The following NCOA2 variants were observed in gnomAD, a reference collection of about 807,000 sequenced individuals.
The protein encoded by NCOA2 is nuclear receptor coactivator 2, also known as class E basic helix-loop-helix protein 75.
NCOA2 carries 21 observed loss-of-function variants against 145.1 expected under a neutral mutation model. The ratio of observed to expected loss-of-function variants is 0.14; its 90% CI spans 0.10 to 0.21. The LOEUF (loss-of-function observed/expected upper bound fraction) is 0.21, where lower values mean the gene tolerates loss of function less well. Among genes scored for constraint, NCOA2 ranks in the 10% least tolerant of loss-of-function variants. NCOA2 has a pLI of 1.00. For synonymous variants in NCOA2, 619 were observed against 637.5 expected, an observed-to-expected ratio of 0.97 and a Z score of 0.44; for missense variants, 1,472 against 1,837.6, an observed-to-expected ratio of 0.80 and a Z score of 3.64.
intron 1 of NCOA2, among the ~76,000 whole-genome samples, chr8:70,342,507 T>C (rs1186248174): frequency 6.6e-6 from 1 of 152,128 alleles, no homozygotes; most frequent in East Asian, 1.9e-4. Context: ...AAAATGCTTT[T>C]GGTTTAATAC....
intron 1 of NCOA2, among the ~76,000 whole-genome samples, chr8:70,353,679 G>T (rs1280470216): frequency 5.3e-5 from 8 of 151,784 alleles, no homozygotes; most frequent in African/African-American, 1.9e-4. Context: ...GTGACACATT[G>T]TCCATACCTT....
intron 21 of NCOA2, among the ~76,000 whole-genome samples, chr8:70,122,053 T>A (rs1015389225): frequency 5.3e-5 from 8 of 152,142 alleles, no homozygotes; most frequent in Non-Finnish European, 1.0e-4. Context: ...ATACATCAAA[T>A]AAAAATGCAT....
chr8:70,437,344 C>T, the NCOA2 span, among the ~76,000 whole-genome samples: 39 of 152,294 alleles, frequency 2.6e-4, no homozygotes, highest in African/African-American at 8.7e-4. Context: ...ATAAGCTCCA[C>T]GGGGGCACCA....
At chr8:70,351,879 A>C (rs1313512755) in intron 1 of NCOA2, among the ~76,000 whole-genome samples, 3 of 151,638 alleles carry the variant, frequency 2.0e-5, no homozygotes, top group African/African-American at 7.3e-5. Flanking sequence ...CACCACACCC[A>C]GTGTGAGTTC....
In NCOA2 at chr8:70,113,067, C is replaced by A. The variant is rs994632260; in HGVS notation, c.*565G>T. 1.0e-5 allele frequency: 2 copies of A among 199,708 alleles called. No homozygotes were observed. The highest frequency in any genetic ancestry group is 4.6e-5 in the African/African-American group (2 of 43,484). The allele number at this position is 199,708 out of a possible 1,614,324, so 12.4% of individuals were successfully genotyped here. A position where few individuals can be genotyped will look rare whatever the true frequency, so the allele number is the denominator to read the frequency against. ...ACGACTGTGACTTTGTTGGTCTTCA[C>A]GCACTGGGTGTGTCTGTAAATACAG... On this transcript the variant is annotated 3_prime_UTR_variant, in exon 23 of 23. Coordinates refer to ENST00000452400, the MANE Select transcript of NCOA2 (RefSeq NM_006540.4).
At chr8:70,289,038 T>TA (rs1225469938) in intron 2 of NCOA2, among the ~76,000 whole-genome samples, 5 of 152,212 alleles carry the variant, frequency 3.3e-5, no homozygotes, top group Non-Finnish European at 5.9e-5. Flanking sequence ...CCAATAGATG[T>TA]TTAAGTCAAA....
At chr8:70,434,694 A>G in the NCOA2 span, among the ~76,000 whole-genome samples, 1 of 152,090 alleles carries the variant, frequency 6.6e-6, no homozygotes, top group Non-Finnish European at 1.5e-5. Flanking sequence ...TCAGCCTCCA[A>G]GTAGCTAGAA....
At chr8:70,230,458 C>T (rs182928731) in intron 2 of NCOA2, among the ~76,000 whole-genome samples, 11 of 152,244 alleles carry the variant, frequency 7.2e-5, no homozygotes, top group African/African-American at 2.6e-4. Flanking sequence ...TTTAAAAAGG[C>T]TGAATTTTAT....
chr8:70,142,446 C>A (rs574188593), intron 13 of NCOA2, among the ~76,000 whole-genome samples: 2 of 152,282 alleles, frequency 1.3e-5, no homozygotes, highest in East Asian at 3.9e-4. Context: ...TGTCTGTAAT[C>A]CCAGCACTTA....
intron 1 of NCOA2, among the ~76,000 whole-genome samples, chr8:70,355,825 T>C (rs1295826449): frequency 2.0e-5 from 3 of 152,214 alleles, no homozygotes; most frequent in African/African-American, 7.2e-5. Flanking sequence ...GTTATGGACA[T>C]GCTGAACAGC....
At chr8:70,447,677 G>GTT in the NCOA2 span, among the ~76,000 whole-genome samples, 1 of 94,660 alleles carries the variant, frequency 1.1e-5, no homozygotes, top group Non-Finnish European at 2.0e-5. Flanking sequence ...TTAGGTCTTT[G>GTT]TTTTCTTTTT....
At chr8:70,243,518 G>A (rs1018842453) in intron 2 of NCOA2, among the ~76,000 whole-genome samples, 8 of 151,856 alleles carry the variant, frequency 5.3e-5, no homozygotes, top group African/African-American at 2.4e-5. Context: ...AATAATAGGT[G>A]CTCAATAAAA....
At chr8:70,124,621 A>G (rs1202576075) in intron 20 of NCOA2, 67 bp downstream of exon 20, 1 of 1,449,752 alleles carries the variant, frequency 6.9e-7, no homozygotes, top group Non-Finnish European at 9.3e-7. Flanking sequence ...GGGTGCAGGC[A>G]TGAAGGTGGG....
chr8:70,128,652 T>C (rs1291852951), intron 17 of NCOA2, 50 bp downstream of exon 17: 2 of 1,602,418 alleles, frequency 1.2e-6, no homozygotes, highest in Non-Finnish European at 1.7e-6. Flanking sequence ...ATCTTCCCCA[T>C]GTCCTCCACC....
chr8:70,342,774 TACACACACACACACACACACAC>T (rs370685018), intron 1 of NCOA2, among the ~76,000 whole-genome samples: 2 of 124,130 alleles, frequency 1.6e-5, no homozygotes, highest in Non-Finnish European at 3.4e-5. Context: ...CTTTTGCAAT[TACACACACACACACACACACAC>T]ACACACACAC....
intron 1 of NCOA2, among the ~76,000 whole-genome samples, chr8:70,394,066 TAGTC>T (rs1813443071): frequency 1.3e-5 from 2 of 152,372 alleles, no homozygotes; most frequent in South Asian, 4.1e-4. Flanking sequence ...AAGGAAAAGA[TAGTC>T]ATGTGGTTTC....
chr8:70,405,897 C>G (rs1814768788), upstream of NCOA2, among the ~76,000 whole-genome samples: 1 of 152,078 alleles, frequency 6.6e-6, no homozygotes, highest in South Asian at 2.1e-4. Context: ...AAGAAATAAA[C>G]AAAAACGTCT....
At chr8:70,148,782 T>C (rs2132029606) in intron 11 of NCOA2, among the ~76,000 whole-genome samples, 1 of 152,368 alleles carries the variant, frequency 6.6e-6, no homozygotes, top group East Asian at 1.9e-4. Context: ...TTCTCCTTTA[T>C]TTTATGCTTA....
chr8:70,371,534 C>A (rs1417639329), intron 1 of NCOA2, among the ~76,000 whole-genome samples: 1 of 152,010 alleles, frequency 6.6e-6, no homozygotes, highest in Non-Finnish European at 1.5e-5. Context: ...AAAAAAAGGA[C>A]AAGCAATTTC....
Sources: gnomAD v4.1 joint callset for allele counts (sites outside exome capture counted in the v4.1 genomes callset) on GRCh38, gnomAD v4.1.1 for gene constraint, MANE v1.5 for transcripts, NCBI Gene and HGNC (gene_info 2026-07-23, HGNC 2026-07-21) for gene names.